GABRB3: variants seen among roughly 807,000 people sequenced by gnomAD.
GABRB3 encodes gamma-aminobutyric acid type A receptor subunit beta3.
GABRB3 carries 14 observed loss-of-function variants against 52.1 expected under a neutral mutation model. That is an observed-to-expected ratio of 0.27 (90% CI 0.18 to 0.42). The LOEUF (loss-of-function observed/expected upper bound fraction) is 0.42. GABRB3 is among the 10% of genes least tolerant of loss of function. The pLI, the probability that GABRB3 is intolerant of heterozygous loss-of-function variation, is 1.00. For missense variants in GABRB3, 307 were observed against 609.1 expected (o/e 0.50, Z 5.22); for synonymous variants, 260 against 232.3 (o/e 1.12, Z -1.08).
chr15:26,642,178 C>G (rs186790857), intron 3 of GABRB3, among the ~76,000 whole-genome samples: 1 of 152,212 alleles, frequency 6.6e-6, no homozygotes, highest in East Asian at 1.9e-4. Flanking sequence ...CAGGCATAAG[C>G]CACCAAGCCT....
At chr15:26,764,218 A>C in intron 3 of GABRB3, among the ~76,000 whole-genome samples, 1 of 93,292 alleles carries the variant, frequency 1.1e-5, no homozygotes, top group South Asian at 3.9e-4. Flanking sequence ...ATATATATAT[A>C]TATATATATA....
At chr15:26,576,843 G>A (rs1376749321) in intron 6 of GABRB3, among the ~76,000 whole-genome samples, 1 of 152,076 alleles carries the variant, frequency 6.6e-6, no homozygotes, top group Non-Finnish European at 1.5e-5. Context: ...TGCTCAAGAT[G>A]TACAGATAAA....
intron 4 of GABRB3, among the ~76,000 whole-genome samples, chr15:26,620,411 T>C (rs145150093): frequency 7.7e-4 from 117 of 152,306 alleles, no homozygotes; most frequent in African/African-American, 2.7e-3. Flanking sequence ...ATTTCGCTTA[T>C]AGCTGTTAAA....
At chr15:26,611,839 A>T (rs1330929722) in intron 4 of GABRB3, 1 of 152,232 alleles carries the variant, frequency 6.6e-6, no homozygotes, top group Non-Finnish European at 1.5e-5. Context: ...GTAAATAAGA[A>T]ATATTGTAAT....
At chr15:26,638,800 C>T (rs993821791) in intron 3 of GABRB3, among the ~76,000 whole-genome samples, 1 of 152,180 alleles carries the variant, frequency 6.6e-6, no homozygotes, top group Non-Finnish European at 1.5e-5. Flanking sequence ...CTTTCAACTT[C>T]ACTCAAATCA....
rs2140645839 is a variant in GABRB3 at position 26,679,999 on chromosome 15, C to A, written c.241-58465G>T. On this transcript the variant is annotated intron_variant, in intron 3 of 8. Coordinates refer to ENST00000311550, the MANE Select transcript of GABRB3 (RefSeq NM_000814.6). ...CATTTTGTTGGGTAGGCTATGGTGC[C>A]CAGATGTCTGTTCAAACACAAGTCT... is the stretch of plus-strand genomic sequence containing the variant. 2.0e-5 allele frequency among the ~76,000 whole-genome samples: 3 copies of A among 152,186 alleles called. No individual in the cohort carries two copies. In the South Asian group the frequency reaches 6.2e-4, roughly 32 times the overall value.
chr15:26,701,847 G>A (rs768409845), intron 3 of GABRB3, among the ~76,000 whole-genome samples: 5 of 152,168 alleles, frequency 3.3e-5, no homozygotes, highest in African/African-American at 4.8e-5. Context: ...TAAAGCTACA[G>A]TAATTATGAT....
chr15:26,695,623 G>A (rs191162414), intron 3 of GABRB3, among the ~76,000 whole-genome samples: 35 of 151,876 alleles, frequency 2.3e-4, no homozygotes, highest in African/African-American at 8.4e-4. Flanking sequence ...AATTTACATA[G>A]GTCAGGAACT....
intron 4 of GABRB3, among the ~76,000 whole-genome samples, chr15:26,595,111 G>T (rs1891348754): frequency 6.6e-6 from 1 of 152,142 alleles, no homozygotes; most frequent in Admixed American, 6.6e-5. Context: ...TCTCTTTTGA[G>T]CCTTAGATGG....
At chr15:26,696,755 G>T (rs1252166411) in intron 3 of GABRB3, among the ~76,000 whole-genome samples, 1 of 152,132 alleles carries the variant, frequency 6.6e-6, no homozygotes, top group East Asian at 1.9e-4. Context: ...CCTGCAGAGG[G>T]TCTCAGGGAC....
intron 3 of GABRB3, among the ~76,000 whole-genome samples, chr15:26,685,601 T>G (rs539443777): frequency 1.8e-4 from 28 of 152,270 alleles, no homozygotes; most frequent in African/African-American, 6.7e-4. Flanking sequence ...TCTCAAAAAG[T>G]AATGCAGGAT....
intron 4 of GABRB3, among the ~76,000 whole-genome samples, chr15:26,619,764 A>C (rs1320668760): frequency 6.6e-6 from 1 of 151,758 alleles, no homozygotes; most frequent in Admixed American, 6.6e-5. Flanking sequence ...AAAAATTCCT[A>C]GATTAATTTT....
At chr15:26,625,594 A>T in intron 3 of GABRB3, 164 of 164,498 alleles carry the variant, frequency 1.0e-3, no homozygotes, top group Non-Finnish European at 1.4e-3. Context: ...GGAATAGCAG[A>T]GGGGACACTG....
chr15:26,756,335 C>T (rs967999851), intron 3 of GABRB3, among the ~76,000 whole-genome samples: 3 of 151,318 alleles, frequency 2.0e-5, no homozygotes, highest in Admixed American at 6.6e-5. Context: ...TTGGGGAAAC[C>T]GAGGCGGGTG....
chr15:26,697,617 C>T (rs533931907), intron 3 of GABRB3, among the ~76,000 whole-genome samples: 9 of 152,166 alleles, frequency 5.9e-5, no homozygotes, highest in Non-Finnish European at 1.2e-4. Context: ...CCCTTAAATG[C>T]TGCTTTTCAA....
chr15:26,650,320 C>G (rs1436791224), intron 3 of GABRB3, among the ~76,000 whole-genome samples: 1 of 152,084 alleles, frequency 6.6e-6, no homozygotes, highest in African/African-American at 2.4e-5. Context: ...CCCATGCATA[C>G]CCTTAGCCCC....
chr15:26,721,579 A>G (rs1168815903), intron 3 of GABRB3, among the ~76,000 whole-genome samples: 2 of 151,774 alleles, frequency 1.3e-5, no homozygotes. Flanking sequence ...ATGGGCATGC[A>G]TTAATCTTCT....
chr15:26,723,421 C>G (rs892426324), intron 3 of GABRB3, among the ~76,000 whole-genome samples: 1 of 152,152 alleles, frequency 6.6e-6, no homozygotes, highest in Non-Finnish European at 1.5e-5. Flanking sequence ...TATTTTCACA[C>G]TAAGAAATCC....
intron 4 of GABRB3, chr15:26,615,979 C>G (rs1892241685): frequency 1.6e-6 from 2 of 1,289,092 alleles, no homozygotes; most frequent in African/African-American, 1.5e-5. Context: ...AACCCCAGCT[C>G]TCTGCAAACC....
Sources: allele counts gnomAD v4.1 joint callset (sites outside exome capture counted in the v4.1 genomes callset), GRCh38; gene constraint gnomAD v4.1.1; transcripts MANE v1.5; gene names NCBI Gene and HGNC (gene_info 2026-07-23, HGNC 2026-07-21).